The following LRIF1 variants were observed in gnomAD, a reference collection of about 807,000 sequenced individuals.
The protein encoded by LRIF1 is ligand dependent nuclear receptor interacting factor 1, also known as ligand-dependent nuclear receptor-interacting factor 1.
LRIF1 carries 32 observed loss-of-function variants against 52.7 expected under a neutral mutation model. The ratio of observed to expected loss-of-function variants is 0.61; its 90% CI spans 0.46 to 0.82. LRIF1 has a LOEUF of 0.82. LRIF1 is among the 40% of genes least tolerant of loss of function. LRIF1 has a pLI of 0.00. For missense variants in LRIF1, 887 were observed against 892.0 expected (o/e 0.99, Z 0.07); for synonymous variants, 323 against 317.4 (o/e 1.02, Z -0.19).
the LRIF1 span, among the ~76,000 whole-genome samples, chr1:110,907,265 T>C: frequency 6.6e-6 from 1 of 152,196 alleles, no homozygotes; most frequent in Non-Finnish European, 1.5e-5. Context: ...TCTTAAAACA[T>C]TGACTTTAGA....
downstream of LRIF1, chr1:110,944,685 G>A (rs1372926983): frequency 6.6e-6 from 1 of 152,168 alleles, no homozygotes; most frequent in Admixed American, 6.5e-5. Context: ...AGGACAAATA[G>A]CTGGTCTCTA....
At chr1:110,887,587 A>C in the LRIF1 span, among the ~76,000 whole-genome samples, 1 of 152,202 alleles carries the variant, frequency 6.6e-6, no homozygotes, top group African/African-American at 2.4e-5. Flanking sequence ...TTACTTGGAA[A>C]GTGTTTAATA....
At chr1:110,891,318 G>A in the LRIF1 span, 1 of 1,039,196 alleles carries the variant, frequency 9.6e-7, no homozygotes, top group South Asian at 1.3e-5. Flanking sequence ...AGAGATCCCT[G>A]AACATTTGTG....
the LRIF1 span, among the ~76,000 whole-genome samples, chr1:110,901,094 C>T: frequency 6.6e-6 from 1 of 152,038 alleles, no homozygotes; most frequent in Admixed American, 6.6e-5. Flanking sequence ...GAAAAACCTA[C>T]AACTTTTGCA....
At chr1:110,915,528 A>G in the LRIF1 span, among the ~76,000 whole-genome samples, 11 of 139,682 alleles carry the variant, frequency 7.9e-5, no homozygotes, top group Middle Eastern at 3.6e-3. Context: ...TTTACTTACT[A>G]TGTTCAAAAA....
the LRIF1 span, among the ~76,000 whole-genome samples, chr1:110,905,448 G>A: frequency 2.0e-5 from 3 of 151,818 alleles, no homozygotes; most frequent in Admixed American, 1.3e-4. Context: ...CAGACTTCTC[G>A]GTGGAAACCT....
At chr1:110,877,634 C>T in the LRIF1 span, among the ~76,000 whole-genome samples, 1 of 152,286 alleles carries the variant, frequency 6.6e-6, no homozygotes, top group Non-Finnish European at 1.5e-5. Flanking sequence ...TTTCTTCTTC[C>T]TTATTTCTCT....
the LRIF1 span, among the ~76,000 whole-genome samples, chr1:110,908,749 A>G: frequency 7.9e-5 from 12 of 152,356 alleles, no homozygotes; most frequent in African/African-American, 2.6e-4. Context: ...ATTATGTAAA[A>G]GAGACCAAAC....
the LRIF1 span, among the ~76,000 whole-genome samples, chr1:110,903,949 A>G: frequency 6.6e-6 from 1 of 152,184 alleles, no homozygotes; most frequent in Admixed American, 6.5e-5. Context: ...AAGCTGACTT[A>G]TGAGTACTTG....
the LRIF1 span, among the ~76,000 whole-genome samples, chr1:110,909,573 CTTTTTTTTTT>C: frequency 1.2e-4 from 9 of 78,022 alleles, no homozygotes; most frequent in East Asian, 2.1e-3. Context: ...GCAGGGGTAG[CTTTTTTTTTT>C]TTTTTTTTTT....
the LRIF1 span, among the ~76,000 whole-genome samples, chr1:110,926,274 A>G: frequency 6.6e-6 from 1 of 152,018 alleles, no homozygotes; most frequent in Non-Finnish European, 1.5e-5. Context: ...TGACAACACA[A>G]TATTGGCACA....
At chr1:110,921,709 AT>A in the LRIF1 span, among the ~76,000 whole-genome samples, 1 of 152,212 alleles carries the variant, frequency 6.6e-6, no homozygotes, top group Admixed American at 6.5e-5. Flanking sequence ...TTATAGTGGG[AT>A]ATGTCTAGCA....
the LRIF1 span, among the ~76,000 whole-genome samples, chr1:110,883,969 G>C: frequency 6.6e-6 from 1 of 151,874 alleles, no homozygotes; most frequent in Admixed American, 6.5e-5. Context: ...TCTTCTAAAA[G>C]AGCCAACTTT....
At chr1:110,949,102 G>A (rs570573152) in intron 3 of LRIF1, among the ~76,000 whole-genome samples, 1 of 151,922 alleles carries the variant, frequency 6.6e-6, no homozygotes, top group African/African-American at 2.4e-5. Flanking sequence ...TGTGTGTGGG[G>A]TGGGCGGTGT....
chr1:110,959,442 G>A (rs1365546201), intron 1 of LRIF1, among the ~76,000 whole-genome samples: 1 of 152,062 alleles, frequency 6.6e-6, no homozygotes, highest in Non-Finnish European at 1.5e-5. Flanking sequence ...GGTAAGATAA[G>A]GTCTTTTAAA....
At chr1:110,886,870 T>TATATATATATA in the LRIF1 span, among the ~76,000 whole-genome samples, 1,291 of 35,302 alleles carry the variant, frequency 0.037, 5 homozygotes, top group Non-Finnish European at 0.058. Context: ...TATATATATA[T>TATATATATATA]TTTTTTTTTC....
At chr1:110,913,956 C>T in the LRIF1 span, among the ~76,000 whole-genome samples, 1 of 152,112 alleles carries the variant, frequency 6.6e-6, no homozygotes, top group African/African-American at 2.4e-5. Flanking sequence ...GAATACAACA[C>T]AACCATAAAA....
the LRIF1 span, among the ~76,000 whole-genome samples, chr1:110,885,317 G>C: frequency 3.9e-5 from 6 of 152,220 alleles, no homozygotes; most frequent in Non-Finnish European, 8.8e-5. Context: ...TTGGGAGGCC[G>C]AGGCGGGCGG....
Position 110,947,921 on chromosome 1 carries a change from A to T in LRIF1, c.*38T>A, listed in dbSNP as rs778889577. The T allele has an allele frequency of 1.2e-5, 19 of 1,534,734 alleles. No individual in the cohort carries two copies. Among genetic ancestry groups the T allele is most frequent in the East Asian group, 2.3e-5 (1 of 44,190 alleles). On this transcript the variant is annotated 3_prime_UTR_variant, in exon 4 of 4. Coordinates refer to ENST00000369763, the MANE Select transcript of LRIF1 (RefSeq NM_018372.4). ...ACTTATTAATGCTGAAGTATATTTT[A>T]AAAAACAGCTATTTCACTGAAGTCT...
Sources: gnomAD v4.1 joint callset for allele counts (sites outside exome capture counted in the v4.1 genomes callset) on GRCh38, gnomAD v4.1.1 for gene constraint, MANE v1.5 for transcripts, NCBI Gene and HGNC (gene_info 2026-07-23, HGNC 2026-07-21) for gene names.